Variants in DDC observed in about 807,000 individuals in gnomAD.
DDC encodes dopa decarboxylase.
Under a neutral mutation model 60.0 loss-of-function variants are expected in DDC, and 43 were observed. The ratio of observed to expected loss-of-function variants is 0.72; its 90% CI spans 0.56 to 0.92. The LOEUF (loss-of-function observed/expected upper bound fraction) is 0.92, where lower values mean the gene tolerates loss of function less well. Among genes scored for constraint, DDC ranks in the 40% least tolerant of loss-of-function variants. The pLI, the probability that DDC is intolerant of heterozygous loss-of-function variation, is 0.00. For synonymous variants in DDC, 232 were observed against 234.6 expected, an observed-to-expected ratio of 0.99 and a Z score of 0.10; for missense variants, 573 against 620.2, an observed-to-expected ratio of 0.92 and a Z score of 0.81.
At chr7:50,528,889 G>T (rs1004632283) in intron 5 of DDC, among the ~76,000 whole-genome samples, 1 of 152,124 alleles carries the variant, frequency 6.6e-6, no homozygotes, top group Non-Finnish European at 1.5e-5. Flanking sequence ...AGTTAGGGCC[G>T]AGGACTTTGA....
intron 1 of DDC, among the ~76,000 whole-genome samples, chr7:50,547,675 G>A (rs1376433292): frequency 6.6e-6 from 1 of 152,088 alleles, no homozygotes; most frequent in Admixed American, 6.5e-5. Context: ...AACACTCCGA[G>A]ACCGAGAGCC....
intron 12 of DDC, among the ~76,000 whole-genome samples, chr7:50,469,708 G>A (rs778171634): frequency 2.6e-5 from 4 of 152,230 alleles, no homozygotes. Context: ...GCCAGGTGCA[G>A]TGGCTCACAC....
chr7:50,533,659 A>G (rs1277194989), intron 4 of DDC, among the ~76,000 whole-genome samples: 1 of 152,232 alleles, frequency 6.6e-6, no homozygotes, highest in African/African-American at 2.4e-5. Flanking sequence ...GATAACAAAA[A>G]AGGGAAATAT....
intron 6 of DDC, among the ~76,000 whole-genome samples, chr7:50,514,882 A>G (rs1409660049): frequency 6.6e-6 from 1 of 152,218 alleles, no homozygotes; most frequent in Non-Finnish European, 1.5e-5. Flanking sequence ...AAGAAAAAAG[A>G]ATAAGAAAAT....
chr7:50,520,688 C>A (rs987332628), intron 6 of DDC, among the ~76,000 whole-genome samples: 1 of 152,014 alleles, frequency 6.6e-6, no homozygotes, highest in Non-Finnish European at 1.5e-5. Flanking sequence ...CCGAGGCAGG[C>A]GGATCACCTG....
At chr7:50,478,212 C>CA (rs61539310) in intron 10 of DDC, among the ~76,000 whole-genome samples, 31,046 of 149,280 alleles carry the variant, frequency 0.21, 3,272 homozygotes, top group Admixed American at 0.21. Flanking sequence ...AACCCTGTCT[C>CA]AAAAAAAAAA....
At chr7:50,506,569 A>G (rs1585200291) in intron 6 of DDC, among the ~76,000 whole-genome samples, 2 of 152,320 alleles carry the variant, frequency 1.3e-5, no homozygotes, top group Middle Eastern at 6.8e-3. Context: ...CCTCTCCCTG[A>G]GAAGGGCAGT....
At chr7:50,478,457 C>T (rs970463890) in intron 10 of DDC, among the ~76,000 whole-genome samples, 7 of 152,152 alleles carry the variant, frequency 4.6e-5, no homozygotes, top group Admixed American at 6.5e-5. Flanking sequence ...TTGGGTGGTG[C>T]AGAATTATAA....
chr7:50,481,912 G>T (rs2042777951), intron 9 of DDC, among the ~76,000 whole-genome samples: 1 of 152,140 alleles, frequency 6.6e-6, no homozygotes, highest in Non-Finnish European at 1.5e-5. Context: ...CATGCGCAGG[G>T]CTCTTGCTCA....
chr7:50,531,522 A>G (rs1341795185), intron 4 of DDC, among the ~76,000 whole-genome samples: 2 of 152,114 alleles, frequency 1.3e-5, no homozygotes, highest in Non-Finnish European at 2.9e-5. Flanking sequence ...ATTCTAATGA[A>G]ATGAGTCACC....
At chr7:50,512,839 A>C (rs2043618116) in intron 6 of DDC, among the ~76,000 whole-genome samples, 1 of 152,214 alleles carries the variant, frequency 6.6e-6, no homozygotes. Context: ...GACAGTGTGA[A>C]GACTTGGATA....
intron 6 of DDC, 95 bp from the exon 7 acceptor site, chr7:50,504,154 G>GTT: frequency 1.2e-6 from 1 of 865,322 alleles, no homozygotes; most frequent in Non-Finnish European, 2.0e-6. Flanking sequence ...GTCCAACCTG[G>GTT]GGCCATGAGC....
chr7:50,463,882 A>G (rs1473833307), intron 13 of DDC, among the ~76,000 whole-genome samples: 1 of 152,242 alleles, frequency 6.6e-6, no homozygotes, highest in Non-Finnish European at 1.5e-5. Flanking sequence ...AAGAATGTCC[A>G]TGAACCACAG....
intron 7 of DDC, among the ~76,000 whole-genome samples, chr7:50,503,039 G>A (rs1257406227): frequency 6.6e-6 from 1 of 152,230 alleles, no homozygotes; most frequent in East Asian, 1.9e-4. Context: ...GCCCAGGAGA[G>A]GAGGGTCCAC....
At chr7:50,556,403 C>T (rs1342109677) in intron 1 of DDC, among the ~76,000 whole-genome samples, 1 of 152,138 alleles carries the variant, frequency 6.6e-6, no homozygotes, top group East Asian at 1.9e-4. Flanking sequence ...TCATTCCATT[C>T]ATGAGGGCTC....
rs112412113 is a variant in DDC, at chr7:50,545,681, C to T, written c.-28-1568G>A. The stretch of plus-strand genomic sequence containing the variant: ...AGAGGCGGGGTTTCACCACATTGGC[C>T]AGGCTGGTCTCAAACTCCTGACCTC... On this transcript the variant is annotated intron_variant, in intron 1 of 14. Transcript: ENST00000444124. Among the ~76,000 whole-genome samples the T allele has an allele frequency of 2.0e-3, 297 of 152,284 alleles. 3 individuals carry two copies. The highest frequency in any genetic ancestry group is 6.8e-3 in the African/African-American group (283 of 41,544).
At chr7:50,511,204 ATATT>A (rs772672000) in intron 6 of DDC, among the ~76,000 whole-genome samples, 2 of 151,580 alleles carry the variant, frequency 1.3e-5, no homozygotes, top group African/African-American at 4.8e-5. Flanking sequence ...AATTACATTT[ATATT>A]TATTTATGTT....
At chr7:50,539,095 G>A (rs1348357773) in intron 3 of DDC, 4 of 152,416 alleles carry the variant, frequency 2.6e-5, no homozygotes, top group African/African-American at 7.2e-5. Context: ...CTAATTGACA[G>A]CTCCTTTACA....
intron 9 of DDC, among the ~76,000 whole-genome samples, chr7:50,481,016 G>A (rs1284149352): frequency 6.6e-6 from 1 of 152,158 alleles, no homozygotes; most frequent in African/African-American, 2.4e-5. Context: ...CAATTTTGTA[G>A]CAAATAAAGT....
Sources: gnomAD v4.1 joint callset for allele counts (sites outside exome capture counted in the v4.1 genomes callset) on GRCh38, gnomAD v4.1.1 for gene constraint, MANE v1.5 for transcripts, NCBI Gene and HGNC (gene_info 2026-07-23, HGNC 2026-07-21) for gene names.